The following EDF1 variants were observed in gnomAD, a reference collection of about 807,000 sequenced individuals.
EDF1 encodes the protein endothelial differentiation-related factor 1.
A neutral mutation model predicts 20.8 loss-of-function variants in EDF1; 5 were observed. That is an observed-to-expected ratio of 0.24 (90% CI 0.13 to 0.51). The LOEUF is 0.51. EDF1 is among the 20% of genes least tolerant of loss of function. The pLI is 0.97. For synonymous variants in EDF1, 96 were observed against 78.5 expected (o/e 1.22, Z -1.18); for missense variants, 137 against 197.8 (o/e 0.69, Z 1.84).
rs747918844 is a variant in EDF1 at position 136,863,860 on chromosome 9, C to T, written c.90G>A (p.Ala30=). The T allele has an allele frequency of 1.0e-4, 165 of 1,613,818 alleles. No homozygotes were observed. The highest frequency in any genetic ancestry group is 8.1e-5 in the Non-Finnish European group (96 of 1,180,010). ...CCACATCTTCTCCTCGTCTCTGTGC[C>T]GCTAAGATAGCCTAGAAAATTAGAA... ...AQAKSKQAIL[A]AQRRGEDVET... The change falls in exon 2 of 5, where the codon GCG becomes GCA. Residue 30 remains alanine (A), a synonymous_variant. Coordinates refer to ENST00000224073, the MANE Select transcript of EDF1 (RefSeq NM_003792.4). The surrounding 1 kb of genome is among the most constrained non-coding windows in gnomAD (Gnocchi z 4.5).
chr9:136,862,145 C>A lies in EDF1; in HGVS notation c.*139G>T. 9.2e-7 allele frequency: 1 copy of A among 1,088,200 alleles called. No homozygotes were observed. The highest frequency in any genetic ancestry group is 1.4e-6 in the Non-Finnish European group (1 of 727,288). The allele number at this position is 1,088,200 out of a possible 1,614,324, so 67.4% of individuals were successfully genotyped here. ...GCTTTGCAAGGTTTTGTTTGTTTGA[C>A]AGCAGGAATGGGCTGGGGAGGGTCC... On this transcript the variant is annotated 3_prime_UTR_variant, in exon 5 of 5. Coordinates refer to ENST00000224073, the MANE Select transcript of EDF1 (RefSeq NM_003792.4). This position sits in a 1 kb window ranked among gnomAD's most constrained non-coding sequence, Gnocchi z 4.1.
In EDF1 at chr9:136,863,570, G is replaced by T; in HGVS notation, c.131-122C>A. The T allele has an allele frequency of 7.6e-7, 1 of 1,317,686 alleles. No homozygotes were observed. The highest frequency in any genetic ancestry group is 1.4e-5 in the South Asian group (1 of 70,206). The allele number at this position is 1,317,686 out of a possible 1,614,324, so 81.6% of individuals were successfully genotyped here. ...AACTCAAGGGGACATGGGAACCCAG[G>T]CTGTCCCAAGTTCACACACCTCAGG... On this transcript the variant is annotated intron_variant, in intron 2 of 4. Coordinates refer to ENST00000224073, the MANE Select transcript of EDF1 (RefSeq NM_003792.4). This position sits in a 1 kb window ranked among gnomAD's most constrained non-coding sequence, Gnocchi z 4.5.
chr9:136,863,365 T>G lies in EDF1; in HGVS notation c.214A>C (p.Arg72=). The G allele has an allele frequency of 6.2e-7, 1 of 1,614,140 alleles. No homozygotes were observed. Among genetic ancestry groups the G allele is most frequent in the Non-Finnish European group, 8.5e-7 (1 of 1,180,014 alleles). ...DRETEELHHD[R]VTLEVGKVIQ... is the part of the protein sequence containing the mutation. ...ACCTTGCCCACCTCCAGGGTCACCC[T>G]GTCATGGTGCAGCTCCTCTGTCTCC... Residue 72 remains arginine, a synonymous_variant, in exon 3 of 5, where the codon AGG becomes CGG. Coordinates refer to ENST00000224073, the MANE Select transcript of EDF1 (RefSeq NM_003792.4). The surrounding 1 kb of genome is among the most constrained non-coding windows in gnomAD (Gnocchi z 4.5).
Position 136,863,216 on chromosome 9 carries a change from G to A in EDF1, c.291+72C>T. The A allele has an allele frequency of 6.4e-7, 1 of 1,569,028 alleles. No homozygotes were observed. Among genetic ancestry groups the A allele is most frequent in the South Asian group, 1.2e-5 (1 of 86,562 alleles). On this transcript the variant is annotated intron_variant, in intron 3 of 4. Transcript: ENST00000224073. The surrounding 1 kb of genome is among the most constrained non-coding windows in gnomAD (Gnocchi z 4.5). Reference sequence around the variant, plus strand: ...GGGGGGTGGAGCCCACCCTCCCCGTGCTATCTGAACACCGGCCATCCCCCT... The same window carrying A: ...GGGGGGTGGAGCCCACCCTCCCCGTACTATCTGAACACCGGCCATCCCCCT...
chr9:136,866,205 C>G lies in EDF1; in HGVS notation c.54G>C (p.Thr18=). The change falls in exon 1 of 5, where the codon ACG becomes ACC. Residue 18 remains threonine (T), a synonymous_variant. Coordinates refer to ENST00000224073, the MANE Select transcript of EDF1 (RefSeq NM_003792.4). ...CCTGCTTGGATTTGGCCTGGGCGGCCGTAGGGCCCTTCTTGCGCAGCACCG... is the reference window on the plus strand; with the variant it reads ...CCTGCTTGGATTTGGCCTGGGCGGCGGTAGGGCCCTTCTTGCGCAGCACCG... ...TVTVLRKKGP[T]AAQAKSKQAI... 6.2e-7 allele frequency: 1 copy of G among 1,601,928 alleles called. No homozygotes were observed. The highest frequency in any genetic ancestry group is 8.5e-7 in the Non-Finnish European group (1 of 1,176,040).
At chr9:136,864,004 T>C (rs1035038808) in intron 1 of EDF1, 133 bp from the exon 2 acceptor site, 1 of 893,572 alleles carries the variant, frequency 1.1e-6, no homozygotes, top group African/African-American at 1.7e-5. Flanking sequence ...TATGCAGTCC[T>C]GGGTTCAGTT....
Position 136,862,210 on chromosome 9 carries a change from AGAACG to A in EDF1, c.*69_*73del. The A allele has an allele frequency of 6.3e-7, 1 of 1,587,488 alleles. No homozygotes were observed. Among genetic ancestry groups the A allele is most frequent in the Non-Finnish European group, 8.6e-7 (1 of 1,156,586 alleles). ...CCCTTGTTCCGTTCGGCCCGTGAGG[AGAACG>A]GAACTGGCGGCCAAGGGGAACCGGC... On this transcript the variant is annotated 3_prime_UTR_variant, in exon 5 of 5. Transcript: ENST00000224073. This position sits in a 1 kb window ranked among gnomAD's most constrained non-coding sequence, Gnocchi z 4.1.
Position 136,863,402 on chromosome 9 carries a change from G to A in EDF1, c.177C>T (p.Ala59=). 6.2e-7 allele frequency: 1 copy of A among 1,614,142 alleles called. No homozygotes were observed. Among genetic ancestry groups the A allele is most frequent in the African/African-American group, 1.3e-5 (1 of 75,062 alleles). The change falls in exon 3 of 5, where the codon GCC becomes GCT. Residue 59 remains alanine (A), a synonymous_variant. Coordinates refer to ENST00000224073, the MANE Select transcript of EDF1 (RefSeq NM_003792.4). This position sits in a 1 kb window ranked among gnomAD's most constrained non-coding sequence, Gnocchi z 4.5. Reference sequence around the variant, plus strand: ...GCTCCTCTGTCTCCCGGTCCAGCTTGGCCGTGTTCTTGGTAATAGAATGTT... The same window carrying A: ...GCTCCTCTGTCTCCCGGTCCAGCTTAGCCGTGTTCTTGGTAATAGAATGTT... ...NKQHSITKNT[A]KLDRETEELH...
intron 1 of EDF1, among the ~76,000 whole-genome samples, chr9:136,865,662 C>T (rs546614401): frequency 1.3e-5 from 2 of 149,906 alleles, no homozygotes; most frequent in Non-Finnish European, 3.0e-5. Flanking sequence ...CTACCCTGTT[C>T]TTCCAAGCCC....
At chr9:136,864,026 A>C (rs1258620553) in intron 1 of EDF1, among the ~76,000 whole-genome samples, 155 bp from the exon 2 acceptor site, 1 of 152,092 alleles carries the variant, frequency 6.6e-6, no homozygotes, top group Non-Finnish European at 1.5e-5. Flanking sequence ...CCTAAGCTCA[A>C]CTAGGCACCA....
rs1486933796 is a variant in EDF1, at chr9:136,862,402, G to A, written c.386-57C>T. On this transcript the variant is annotated intron_variant, in intron 4 of 4. Transcript: ENST00000224073. This position sits in a 1 kb window ranked among gnomAD's most constrained non-coding sequence, Gnocchi z 4.1. ...GCACCAGCTCCCTCCTCCCCCCAACGCTGCCCCTCTTCAACATCTTCCCAG... is the reference window on the plus strand; with the variant it reads ...GCACCAGCTCCCTCCTCCCCCCAACACTGCCCCTCTTCAACATCTTCCCAG... The A allele has an allele frequency of 9.9e-6, 16 of 1,613,790 alleles. No individual in the cohort carries two copies. Among genetic ancestry groups the A allele is most frequent in the East Asian group, 4.5e-5 (2 of 44,870 alleles).
chr9:136,862,687 G>C lies in EDF1; in HGVS notation c.385+219C>G. The stretch of plus-strand genomic sequence containing the variant: ...GGCTGACGGGAACTGGCAAGGGGAA[G>C]GGACTCGGACTCCACTTGCTCTTAG... On this transcript the variant is annotated intron_variant, in intron 4 of 4. Coordinates refer to ENST00000224073, the MANE Select transcript of EDF1 (RefSeq NM_003792.4). The surrounding 1 kb of genome is among the most constrained non-coding windows in gnomAD (Gnocchi z 4.1). The C allele has an allele frequency of 1.2e-5, 18 of 1,493,766 alleles. No homozygotes were observed. Among genetic ancestry groups the C allele is most frequent in the Non-Finnish European group, 1.6e-5 (18 of 1,128,636 alleles). The allele number at this position is 1,493,766 out of a possible 1,614,324, so 92.5% of individuals were successfully genotyped here.
In EDF1 at chr9:136,862,557, G is replaced by A. The variant is rs192475442; in HGVS notation, c.386-212C>T. ...CAGCAGAGCATGAACACCCCTCTCC[G>A]GAAGAACCGGAGCCGGGGTCCTCTG... On this transcript the variant is annotated intron_variant, in intron 4 of 4. Coordinates refer to ENST00000224073, the MANE Select transcript of EDF1 (RefSeq NM_003792.4). This position sits in a 1 kb window ranked among gnomAD's most constrained non-coding sequence, Gnocchi z 4.1. 355 of 1,586,764 alleles carry A rather than the reference G, an allele frequency of 2.2e-4. 1 individual carries two copies. Among genetic ancestry groups the A allele is most frequent in the African/African-American group, 2.1e-3 (157 of 74,648 alleles).
chr9:136,863,925 A>T lies in EDF1; in HGVS notation c.79-54T>A. 1 of 1,595,814 alleles carries T rather than the reference A, an allele frequency of 6.3e-7. No individual in the cohort carries two copies. ...AAAATTAGCTTTGACAGTATCCAGC[A>T]CACACCAATTCAGGCCTGCTGTTAG... On this transcript the variant is annotated intron_variant, in intron 1 of 4. Coordinates refer to ENST00000224073, the MANE Select transcript of EDF1 (RefSeq NM_003792.4). This position sits in a 1 kb window ranked among gnomAD's most constrained non-coding sequence, Gnocchi z 4.5.
At position 136,863,734 on chromosome 9, in the gene EDF1, C is replaced by T. The variant is rs1301673422; in HGVS notation, c.130+86G>A. ...AGGCAGGCACTCAGCTGACAACGTC[C>T]CCGGGGGCGCCGCACACACCACACC... On this transcript the variant is annotated intron_variant, in intron 2 of 4. Coordinates refer to ENST00000224073, the MANE Select transcript of EDF1 (RefSeq NM_003792.4). This position sits in a 1 kb window ranked among gnomAD's most constrained non-coding sequence, Gnocchi z 4.5. 6.5e-7 allele frequency: 1 copy of T among 1,528,564 alleles called. No homozygotes were observed. The highest frequency in any genetic ancestry group is 1.4e-5 in the African/African-American group (1 of 73,202). 94.7% of individuals were successfully genotyped at this position (1,528,564 alleles called of 1,614,324 possible). A position where few individuals can be genotyped will look rare whatever the true frequency, so the allele number is the denominator to read the frequency against.
rs913949980 is a variant in EDF1, at chr9:136,863,554, G to A, written c.131-106C>T. On this transcript the variant is annotated intron_variant, in intron 2 of 4. Transcript: ENST00000224073. This position sits in a 1 kb window ranked among gnomAD's most constrained non-coding sequence, Gnocchi z 4.5. ...CCCCAGAGGCTGCCTGAACTCAAGG[G>A]GACATGGGAACCCAGGCTGTCCCAA... 52 of 1,419,760 alleles carry A rather than the reference G, an allele frequency of 3.7e-5. 1 individual carries two copies. Among genetic ancestry groups the A allele is most frequent in the Middle Eastern group, 4.0e-4 (2 of 4,964 alleles). The allele number at this position is 1,419,760 out of a possible 1,614,324, so 87.9% of individuals were successfully genotyped here.
chr9:136,866,282 C>T lies in EDF1; in HGVS notation c.-24G>A. ...ATGGCGGGCGAAGACGAGCGTCCGT[C>T]CGGCGGCTCAGCGGCAGCTGCTAGA... On this transcript the variant is annotated 5_prime_UTR_variant, in exon 1 of 5. Transcript: ENST00000224073. The T allele has an allele frequency of 6.3e-7, 1 of 1,592,764 alleles. No individual in the cohort carries two copies. Among genetic ancestry groups the T allele is most frequent in the Non-Finnish European group, 8.5e-7 (1 of 1,173,534 alleles).
At position 136,863,079 on chromosome 9, in the gene EDF1, A is replaced by G; in HGVS notation, c.292-80T>C. On this transcript the variant is annotated intron_variant, in intron 3 of 4. Transcript: ENST00000224073. This position sits in a 1 kb window ranked among gnomAD's most constrained non-coding sequence, Gnocchi z 4.5. ...CAGGCGCGAAGCGTCGCCTGAGAACAGCAGCTTCTAGGGCCCCTGGGGTAC... is the reference window on the plus strand; with the variant it reads ...CAGGCGCGAAGCGTCGCCTGAGAACGGCAGCTTCTAGGGCCCCTGGGGTAC... 1 of 1,576,030 alleles carries G rather than the reference A, an allele frequency of 6.3e-7. No homozygotes were observed. The highest frequency in any genetic ancestry group is 1.3e-5 in the African/African-American group (1 of 74,220).
chr9:136,863,099 G>A lies in EDF1; in HGVS notation c.292-100C>T. 6 of 1,549,688 alleles carry A rather than the reference G, an allele frequency of 3.9e-6. No homozygotes were observed. Among genetic ancestry groups the A allele is most frequent in the Non-Finnish European group, 5.3e-6 (6 of 1,130,388 alleles). On this transcript the variant is annotated intron_variant, in intron 3 of 4. Coordinates refer to ENST00000224073, the MANE Select transcript of EDF1 (RefSeq NM_003792.4). This position sits in a 1 kb window ranked among gnomAD's most constrained non-coding sequence, Gnocchi z 4.5. The stretch of plus-strand genomic sequence containing the variant: ...AGAACAGCAGCTTCTAGGGCCCCTG[G>A]GGTACGCACCCACACGCAGCTGGGT...
Sources: allele counts gnomAD v4.1 joint callset (sites outside exome capture counted in the v4.1 genomes callset), GRCh38; gene constraint gnomAD v4.1.1; non-coding constraint Gnocchi (gnomAD v3.1); transcripts MANE v1.5; gene names NCBI Gene and HGNC (gene_info 2026-07-23, HGNC 2026-07-21).